UNC13D: variants seen among roughly 807,000 people sequenced by gnomAD.
The protein encoded by UNC13D is protein unc-13 homolog D.
In UNC13D, 115 loss-of-function variants were observed where a neutral mutation model predicts 151.7. The ratio of observed to expected loss-of-function variants is 0.76; its 90% CI spans 0.65 to 0.88. The LOEUF (loss-of-function observed/expected upper bound fraction) is 0.88, where lower values mean the gene tolerates loss of function less well. UNC13D is among the 40% of genes least tolerant of loss of function. The pLI is 0.00. For synonymous variants in UNC13D, 588 were observed against 612.2 expected, an observed-to-expected ratio of 0.96 and a Z score of 0.58; for missense variants, 1,369 against 1,438.7, an observed-to-expected ratio of 0.95 and a Z score of 0.78.
chr17:75,834,067 C>T lies in UNC13D; in HGVS notation c.2367+8G>A, dbSNP rs1382248076. On this transcript the variant is annotated splice_region_variant and intron_variant, in intron 24 of 31. Coordinates refer to ENST00000207549, the MANE Select transcript of UNC13D (RefSeq NM_199242.3). ...TGGTGAAGGCCAGCAGGCAGAAGGG[C>T]CACTTACATCCTCAGGCAGGACAGA... The T allele has an allele frequency of 1.2e-6, 2 of 1,613,582 alleles. No homozygotes were observed. The highest frequency in any genetic ancestry group is 1.3e-5 in the African/African-American group (1 of 75,036).
chr17:75,832,776 A>C lies in UNC13D; in HGVS notation c.2447+190T>G. 1.7e-6 allele frequency: 1 copy of C among 583,826 alleles called. No individual in the cohort carries two copies. The allele number at this position is 583,826 out of a possible 1,614,324, so 36.2% of individuals were successfully genotyped here. On this transcript the variant is annotated intron_variant, in intron 25 of 31. Transcript: ENST00000207549. The surrounding 1 kb of genome is among the most constrained non-coding windows in gnomAD (Gnocchi z 4.3). ...ATAAGGGAGGTCACCAAAGGGATTC[A>C]CCTCCACCCCTCAGAACGGATGCTG...
intron 5 of UNC13D, 111 bp downstream of exon 5, chr17:75,842,746 G>C: frequency 3.1e-6 from 5 of 1,587,396 alleles, no homozygotes; most frequent in Non-Finnish European, 4.3e-6. Context: ...GGGGGCCAGC[G>C]CTACAGGGCT....
Position 75,833,951 on chromosome 17 carries a change from G to T in UNC13D, c.2367+124C>A. The T allele has an allele frequency of 1.6e-6, 2 of 1,244,496 alleles. No individual in the cohort carries two copies. The highest frequency in any genetic ancestry group is 1.2e-6 in the Non-Finnish European group (1 of 861,246). The allele number at this position is 1,244,496 out of a possible 1,614,324, so 77.1% of individuals were successfully genotyped here. Reference sequence around the variant, plus strand: ...GTGAGCATCCCAGGAGGAAACTGAGGCCCAGGGAGAGAACATGCTTTGCCT... The same window carrying T: ...GTGAGCATCCCAGGAGGAAACTGAGTCCCAGGGAGAGAACATGCTTTGCCT... On this transcript the variant is annotated intron_variant, in intron 24 of 31. Transcript: ENST00000207549. This position sits in a 1 kb window ranked among gnomAD's most constrained non-coding sequence, Gnocchi z 4.0.
rs202110503 is a variant in UNC13D, at chr17:75,840,601, G to A, written c.684-25C>T. 4.5e-5 allele frequency: 72 copies of A among 1,613,792 alleles called. No homozygotes were observed. The highest frequency in any genetic ancestry group is 2.2e-5 in the East Asian group (1 of 44,896). On this transcript the variant is annotated intron_variant, in intron 8 of 31. Transcript: ENST00000207549. The surrounding 1 kb of genome is among the most constrained non-coding windows in gnomAD (Gnocchi z 4.6). ...CCTGCGTCAGGCAGGGTCCCATAAG[G>A]GGGACGCAGCAAGGGTCGGAAGGGA...
chr17:75,830,742 C>T, intron 27 of UNC13D, 81 bp from the exon 28 acceptor site: 1 of 1,475,046 alleles, frequency 6.8e-7, no homozygotes, highest in Admixed American at 1.9e-5. Flanking sequence ...AGCTCACTGT[C>T]AAGGGTAACA....
In UNC13D at chr17:75,827,805, G is replaced by A; in HGVS notation, c.*160C>T. ...CGCTGCTGAGCCCCCATCACCATGG[G>A]AGGCAGGGGAGGTCTGCACTCTGGG... is the stretch of plus-strand genomic sequence containing the variant. On this transcript the variant is annotated 3_prime_UTR_variant, in exon 32 of 32. Transcript: ENST00000207549. 6.7e-7 allele frequency: 1 copy of A among 1,483,480 alleles called. No homozygotes were observed. Among genetic ancestry groups the A allele is most frequent in the Non-Finnish European group, 9.0e-7 (1 of 1,116,246 alleles). 91.9% of individuals were successfully genotyped at this position (1,483,480 alleles called of 1,614,324 possible).
intron 1 of UNC13D, chr17:75,843,742 C>A: frequency 2.1e-6 from 3 of 1,424,228 alleles, no homozygotes; most frequent in Non-Finnish European, 1.8e-6. Flanking sequence ...GCAGCGCGAG[C>A]CCTCCGCACC....
Position 75,828,006 on chromosome 17 carries a change from C to G in UNC13D, c.3232G>C (p.Ala1078Pro), listed in dbSNP as rs761698730. Residue 1078 changes from alanine (A) to proline (P), a missense_variant, in exon 32 of 32, where the codon GCC becomes CCC. Physicochemically the swap from Ala to Pro is conservative, Grantham distance 27 (BLOSUM62 -1). Transcript: ENST00000207549. ...AAGGCATGCTGGGAGGCCTGCTTGG[C>G]CCGGTGCCGCCGCAGCCTCACAAAG... ...QVFVRLRRHR[A>P]KQASQHALRP... 1 of 1,596,962 alleles carries G rather than the reference C, an allele frequency of 6.3e-7. No individual in the cohort carries two copies. The highest frequency in any genetic ancestry group is 2.3e-5 in the East Asian group (1 of 43,798).
intron 27 of UNC13D, 118 bp downstream of exon 27, chr17:75,830,980 C>A: frequency 8.1e-7 from 1 of 1,230,758 alleles, no homozygotes. Context: ...GAATAAGGGG[C>A]CCAGTTTTTC....
At chr17:75,842,742 CAG>C in intron 5 of UNC13D, 113 bp downstream of exon 5, 5 of 1,588,644 alleles carry the variant, frequency 3.1e-6, no homozygotes, top group Non-Finnish European at 4.3e-6. Context: ...CATGGGGGGC[CAG>C]CGCTACAGGG....
chr17:75,830,270 G>A lies in UNC13D; in HGVS notation c.2830+92C>T, dbSNP rs2064861369. On this transcript the variant is annotated intron_variant, in intron 29 of 31. Transcript: ENST00000207549. ...GGTAACTGGAGGAAATGCACCCAGAGCTCCTGCAGGGTGAGCGAAGCCCCC... is the reference window on the plus strand; with the variant it reads ...GGTAACTGGAGGAAATGCACCCAGAACTCCTGCAGGGTGAGCGAAGCCCCC... 3 of 1,558,314 alleles carry A rather than the reference G, an allele frequency of 1.9e-6. No homozygotes were observed. In the Admixed American group the frequency reaches 5.8e-5, roughly 30 times the overall value.
chr17:75,829,081 T>C, intron 30 of UNC13D, 98 bp from the exon 31 acceptor site: 6 of 1,454,934 alleles, frequency 4.1e-6, no homozygotes, highest in Non-Finnish European at 5.5e-6. Flanking sequence ...CAGCCAGGGT[T>C]TGGACTGCAA....
At position 75,835,075 on chromosome 17, in the gene UNC13D, A is replaced by G; in HGVS notation, c.1849-12T>C. 1.2e-6 allele frequency: 2 copies of G among 1,613,612 alleles called. No homozygotes were observed. Among genetic ancestry groups the G allele is most frequent in the Non-Finnish European group, 1.7e-6 (2 of 1,179,984 alleles). The stretch of plus-strand genomic sequence containing the variant: ...CCCAGGGGCACCAGCTGGGGGAAGA[A>G]AGGAGGACTCAGGATACTGCCAAAT... On this transcript the variant is annotated splice_polypyrimidine_tract_variant and intron_variant, in intron 20 of 31. Coordinates refer to ENST00000207549, the MANE Select transcript of UNC13D (RefSeq NM_199242.3).
At chr17:75,842,317 C>A in intron 6 of UNC13D, 116 bp downstream of exon 6, 2 of 1,423,380 alleles carry the variant, frequency 1.4e-6, no homozygotes, top group South Asian at 2.8e-5. Context: ...TAGTCTTTGC[C>A]CAGGGCCAAA....
chr17:75,844,233 T>C lies in UNC13D; in HGVS notation c.105A>G (p.Gln35=), dbSNP rs765906804. The change falls in exon 1 of 32, where the codon CAA becomes CAG. Residue 35 remains glutamine (Q), a synonymous_variant. Coordinates refer to ENST00000207549, the MANE Select transcript of UNC13D (RefSeq NM_199242.3). Reference sequence around the variant, plus strand: ...AGGTCACTCCTACCTCCGGGGCCATTTGGGGCGGGGGATCCTGTAGATCTC... The same window carrying C: ...AGGTCACTCCTACCTCCGGGGCCATCTGGGGCGGGGGATCCTGTAGATCTC... The part of the protein sequence containing the change: ...RVRDLQDPPP[Q]MAPEIQPPSH... 5.6e-6 allele frequency: 9 copies of C among 1,611,888 alleles called. No individual in the cohort carries two copies. Among genetic ancestry groups the C allele is most frequent in the Middle Eastern group, 1.6e-4 (1 of 6,078 alleles).
chr17:75,842,790 G>A, intron 5 of UNC13D, 67 bp downstream of exon 5: 1 of 1,605,668 alleles, frequency 6.2e-7, no homozygotes, highest in Non-Finnish European at 8.5e-7. Flanking sequence ...AAGAGTCCTG[G>A]GCCAGGCTGT....
At position 75,836,654 on chromosome 17, in the gene UNC13D, C is replaced by T. The variant is rs149099554; in HGVS notation, c.1216G>A (p.Gly406Ser). 8.6e-5 allele frequency: 139 copies of T among 1,613,624 alleles called. No homozygotes were observed. Among genetic ancestry groups the T allele is most frequent in the Non-Finnish European group, 1.0e-4 (119 of 1,180,042 alleles). Reference sequence around the variant, plus strand: ...CGGAACCTCCGGATGAGGGAGAGGCCGTAGGTCAGCAGGGAGCTGAATGAG... The same window carrying T: ...CGGAACCTCCGGATGAGGGAGAGGCTGTAGGTCAGCAGGGAGCTGAATGAG... Reference protein sequence around the residue: ...AASFSSLLTYGLSLIRRFRSV... With the variant: ...AASFSSLLTYSLSLIRRFRSV... Residue 406 changes from glycine to serine, a missense_variant, in exon 14 of 32, where the codon GGC (glycine) becomes AGC (serine). This residue lies in a region of UNC13D where 550 missense variants were observed against 609.0 expected (regional missense o/e 0.90). Transcript: ENST00000207549.
Position 75,832,935 on chromosome 17 carries a change from G to A in UNC13D, c.2447+31C>T, listed in dbSNP as rs979909664. 73 of 1,556,612 alleles carry A rather than the reference G, an allele frequency of 4.7e-5. No homozygotes were observed. Among genetic ancestry groups the A allele is most frequent in the African/African-American group, 9.4e-5 (7 of 74,120 alleles). On this transcript the variant is annotated intron_variant, in intron 25 of 31. Transcript: ENST00000207549. The surrounding 1 kb of genome is among the most constrained non-coding windows in gnomAD (Gnocchi z 4.3). ...CCGTGGGAGGAGAGGGGGAGGTGGC[G>A]AGCGCGCCCAGGGCAGGGGCTGCTA...
Position 75,835,077 on chromosome 17 carries a change from G to A in UNC13D, c.1849-14C>T, listed in dbSNP as rs757788792. 28 of 1,613,392 alleles carry A rather than the reference G, an allele frequency of 1.7e-5. No homozygotes were observed. The South Asian group carries it at 3.0e-4, about 17-fold the overall frequency. ...CAGGGGCACCAGCTGGGGGAAGAAA[G>A]GAGGACTCAGGATACTGCCAAATCC... On this transcript the variant is annotated splice_polypyrimidine_tract_variant and intron_variant, in intron 20 of 31. Transcript: ENST00000207549.
Sources: gnomAD v4.1 joint callset for allele counts on GRCh38, gnomAD v4.1.1 for gene constraint, gnomAD v4.1.1 regional missense constraint, Gnocchi (gnomAD v3.1) non-coding constraint, MANE v1.5 for transcripts, NCBI Gene and HGNC (gene_info 2026-07-23, HGNC 2026-07-21) for gene names.